ZCWPW2: variants seen among roughly 807,000 people sequenced by gnomAD.
The protein encoded by ZCWPW2 is zinc finger CW-type and PWWP domain containing 2, also known as zinc finger CW-type PWWP domain protein 2.
In ZCWPW2, 45 loss-of-function variants were observed where a neutral mutation model predicts 46.6. The ratio of observed to expected loss-of-function variants is 0.96; its 90% CI spans 0.76 to 1.24. The LOEUF (loss-of-function observed/expected upper bound fraction) is 1.24, where lower values mean the gene tolerates loss of function less well. ZCWPW2 is among the 50% of genes most tolerant of loss of function. The probability of loss-of-function intolerance (pLI) is 0.00; values close to 1 mark genes in which losing one functional copy is unlikely to be tolerated. For synonymous variants in ZCWPW2, 152 were observed against 137.1 expected, an observed-to-expected ratio of 1.11 and a Z score of -0.76; for missense variants, 429 against 403.9, an observed-to-expected ratio of 1.06 and a Z score of -0.53.
intron 2 of ZCWPW2, among the ~76,000 whole-genome samples, chr3:28,395,273 G>A (rs112464736): frequency 0.011 from 1,602 of 152,200 alleles, 40 homozygotes; most frequent in African/African-American, 0.037. Context: ...TGGTGAGGAT[G>A]TGGATTGGCA....
chr3:28,348,962 G>C lies in ZCWPW2; in HGVS notation c.-375G>C. ...GAAGCACTCCGGAAAGTGATTGGAA[G>C]TGTGGATGAGCTCTCAGCCGGAAAA... On this transcript the variant is annotated 5_prime_UTR_variant, in exon 1 of 10. Transcript: ENST00000383768. 1 of 985,698 alleles carries C rather than the reference G, an allele frequency of 1.0e-6. No individual in the cohort carries two copies. The highest frequency in any genetic ancestry group is 1.2e-6 in the Non-Finnish European group (1 of 830,126). The allele number at this position is 985,698 out of a possible 1,614,324, so 61.1% of individuals were successfully genotyped here.
chr3:28,497,820 A>T (rs1700035488), intron 6 of ZCWPW2, among the ~76,000 whole-genome samples: 1 of 151,996 alleles, frequency 6.6e-6, no homozygotes, highest in African/African-American at 2.4e-5. Context: ...TCCCTTTTTT[A>T]GCTCTTCAGC....
Position 28,521,132 on chromosome 3 carries a change from A to T in ZCWPW2, c.909+16A>T. ...GGGAGAAAAGGTAATATTGATAGTT[A>T]TTTTCAGACCTAAATAACAACTTCA... On this transcript the variant is annotated intron_variant, in intron 9 of 9. Transcript: ENST00000383768. 1 of 1,586,444 alleles carries T rather than the reference A, an allele frequency of 6.3e-7. No homozygotes were observed. Among genetic ancestry groups the T allele is most frequent in the South Asian group, 1.2e-5 (1 of 86,068 alleles).
chr3:28,515,749 A>G, intron 8 of ZCWPW2, 128 bp downstream of exon 8: 2 of 657,810 alleles, frequency 3.0e-6, no homozygotes, highest in Non-Finnish European at 5.0e-6. Flanking sequence ...GTGTGTGTAT[A>G]CACATATATA....
chr3:28,510,861 CT>C lies in ZCWPW2; in HGVS notation c.658-3202del. 3 of 260,200 alleles carry C rather than the reference CT, an allele frequency of 1.2e-5. No individual in the cohort carries two copies. The South Asian group carries it at 1.2e-4, about 11-fold the overall frequency. 16.1% of individuals were successfully genotyped at this position (260,200 alleles called of 1,614,324 possible). A position where few individuals can be genotyped will look rare whatever the true frequency, so the allele number is the denominator to read the frequency against. ...AGATGATGATGTACAAATGTCTTAA[CT>C]GTATTAGTCATTTACAAACACTGTG... On this transcript the variant is annotated intron_variant, in intron 6 of 9. Transcript: ENST00000383768.
intron 2 of ZCWPW2, among the ~76,000 whole-genome samples, chr3:28,401,184 A>C (rs1559489510): frequency 6.6e-6 from 1 of 152,150 alleles, no homozygotes; most frequent in Non-Finnish European, 1.5e-5. Context: ...TCTCAAAAAA[A>C]AAACAAACAA....
intron 2 of ZCWPW2, among the ~76,000 whole-genome samples, chr3:28,394,666 G>A (rs1695625416): frequency 6.6e-6 from 1 of 152,068 alleles, no homozygotes; most frequent in South Asian, 2.1e-4. Context: ...GACAAGAATA[G>A]TGTCTTCAAC....
chr3:28,485,214 A>G (rs1055256144), intron 5 of ZCWPW2, among the ~76,000 whole-genome samples: 3 of 151,518 alleles, frequency 2.0e-5, no homozygotes, highest in Admixed American at 6.6e-5. Context: ...ATTTCCACCT[A>G]TCTCTCTGTT....
intron 6 of ZCWPW2, among the ~76,000 whole-genome samples, chr3:28,493,612 G>T (rs1374961059): frequency 1.1e-5 from 1 of 94,132 alleles, no homozygotes; most frequent in Non-Finnish European, 2.3e-5. Context: ...ATAAACATAC[G>T]TGTGCATGTG....
intron 8 of ZCWPW2, among the ~76,000 whole-genome samples, chr3:28,520,007 T>C (rs1559538322): frequency 6.7e-6 from 1 of 149,218 alleles, no homozygotes; most frequent in Non-Finnish European, 1.5e-5. Flanking sequence ...TTTTTTTGCC[T>C]ATTTTTTTTT....
At chr3:28,475,969 G>A (rs1230951721) in intron 4 of ZCWPW2, among the ~76,000 whole-genome samples, 1 of 151,956 alleles carries the variant, frequency 6.6e-6, no homozygotes, top group Non-Finnish European at 1.5e-5. Context: ...TACAATGTAA[G>A]CTTTGTCTGT....
intron 4 of ZCWPW2, chr3:28,448,133 A>G (rs1698068880): frequency 1.0e-5 from 2 of 192,696 alleles, no homozygotes; most frequent in African/African-American, 4.6e-5. Context: ...AAAAAGATCA[A>G]AATTGGACAG....
At chr3:28,372,532 T>G (rs955111643) in intron 1 of ZCWPW2, among the ~76,000 whole-genome samples, 1 of 152,206 alleles carries the variant, frequency 6.6e-6, no homozygotes, top group African/African-American at 2.4e-5. Context: ...AAAACTACAG[T>G]GTAGCCATTG....
At position 28,372,181 on chromosome 3, in the gene ZCWPW2, A is replaced by G. The variant is rs560483978; in HGVS notation, c.-133-18317A>G. ...ATACTACCATAATTATATTCAATTA[A>G]TATAGTAATTGAAGGACTTATATTG... On this transcript the variant is annotated intron_variant, in intron 1 of 9. Coordinates refer to ENST00000383768, the MANE Select transcript of ZCWPW2 (RefSeq NM_001040432.4). Among the ~76,000 whole-genome samples the G allele has an allele frequency of 4.6e-5, 7 of 152,240 alleles. No homozygotes were observed. In the South Asian group the frequency reaches 1.0e-3, roughly 23 times the overall value.
chr3:28,440,941 A>G (rs1194127552), intron 4 of ZCWPW2, among the ~76,000 whole-genome samples: 1 of 152,198 alleles, frequency 6.6e-6, no homozygotes, highest in East Asian at 1.9e-4. Context: ...GAATGGTGCC[A>G]TATCGAAGAC....
At chr3:28,470,402 C>A (rs1424652244) in intron 4 of ZCWPW2, among the ~76,000 whole-genome samples, 1 of 149,494 alleles carries the variant, frequency 6.7e-6, no homozygotes, top group African/African-American at 2.5e-5. Context: ...GAGGCTAAGG[C>A]AGAATTGCTT....
intron 2 of ZCWPW2, among the ~76,000 whole-genome samples, chr3:28,405,173 T>A (rs1696109012): frequency 6.6e-6 from 1 of 152,220 alleles, no homozygotes; most frequent in African/African-American, 2.4e-5. Flanking sequence ...CTCTTTTCAA[T>A]TCAGTCTTTG....
At chr3:28,403,609 A>G (rs938572029) in intron 2 of ZCWPW2, among the ~76,000 whole-genome samples, 65 of 152,174 alleles carry the variant, frequency 4.3e-4, no homozygotes, top group African/African-American at 1.4e-3. Context: ...CAAAAAGAAC[A>G]AATCTGGAGG....
At chr3:28,355,929 A>G (rs926132310) in intron 1 of ZCWPW2, among the ~76,000 whole-genome samples, 3 of 152,266 alleles carry the variant, frequency 2.0e-5, no homozygotes, top group African/African-American at 4.8e-5. Context: ...CATTCAGGAC[A>G]TAGGCATGGG....
Sources: allele counts gnomAD v4.1 joint callset (sites outside exome capture counted in the v4.1 genomes callset), GRCh38; gene constraint gnomAD v4.1.1; transcripts MANE v1.5; gene names NCBI Gene and HGNC (gene_info 2026-07-23, HGNC 2026-07-21).